The following ZNF75A variants were observed in gnomAD, a reference collection of about 807,000 sequenced individuals.
ZNF75A encodes the protein zinc finger protein 75A.
Under a neutral mutation model 46.3 loss-of-function variants are expected in ZNF75A, and 36 were observed. That is an observed-to-expected ratio of 0.78 (90% CI 0.60 to 1.03). The LOEUF (loss-of-function observed/expected upper bound fraction) is 1.03. Ranked by LOEUF, ZNF75A falls within the 50% of genes least tolerant of loss-of-function variation. ZNF75A has a pLI of 0.00. For missense variants in ZNF75A, 595 were observed against 551.3 expected (o/e 1.08, Z -0.79); for synonymous variants, 234 against 189.9 (o/e 1.23, Z -1.91).
intron 2 of ZNF75A, 50 bp from the exon 3 acceptor site, chr16:3,311,703 C>A: frequency 2.0e-6 from 2 of 1,005,934 alleles, no homozygotes; most frequent in South Asian, 4.0e-5. Context: ...CCTCCACCCC[C>A]ACAAACCAAA....
At chr16:3,307,936 A>G (rs1297516497) in intron 1 of ZNF75A, 1 of 152,172 alleles carries the variant, frequency 6.6e-6, no homozygotes, top group Non-Finnish European at 1.5e-5. Context: ...TTGAAATTTA[A>G]GAGAATCTCA....
chr16:3,308,368 A>G lies in ZNF75A; in HGVS notation c.-61A>G, dbSNP rs1960445154. The stretch of plus-strand genomic sequence containing the variant: ...TTTGTACAAGACCAGACAGGATCTC[A>G]TTTGTTAAACGTGGTACCAATTGGG... On this transcript the variant is annotated 5_prime_UTR_variant, in exon 2 of 7. Transcript: ENST00000669516. 3.1e-6 allele frequency: 3 copies of G among 969,248 alleles called. No individual in the cohort carries two copies. The highest frequency in any genetic ancestry group is 6.2e-5 in the Admixed American group (1 of 16,226). 60.0% of individuals were successfully genotyped at this position (969,248 alleles called of 1,614,324 possible).
At chr16:3,316,756 A>G in intron 5 of ZNF75A, 156 bp from the exon 6 acceptor site, 1 of 565,248 alleles carries the variant, frequency 1.8e-6, no homozygotes. Context: ...AGTATAACAT[A>G]GTATAAACGT....
In ZNF75A at chr16:3,308,384, A is replaced by C. The variant is rs45541431; in HGVS notation, c.-45A>C. ...CAGGATCTCATTTGTTAAACGTGGT[A>C]CCAATTGGGTGTCTTAACACAGGAG... On this transcript the variant is annotated 5_prime_UTR_variant, in exon 2 of 7. Transcript: ENST00000669516. 4.8e-4 allele frequency: 431 copies of C among 899,958 alleles called. No individual in the cohort carries two copies. Among genetic ancestry groups the C allele is most frequent in the South Asian group, 7.2e-4 (14 of 19,488 alleles). 55.7% of individuals were successfully genotyped at this position (899,958 alleles called of 1,614,324 possible).
chr16:3,316,846 C>T (rs1961244375), intron 5 of ZNF75A, 66 bp from the exon 6 acceptor site: 3 of 1,079,348 alleles, frequency 2.8e-6, no homozygotes, highest in Non-Finnish European at 2.8e-6. Flanking sequence ...CTGAAACAGT[C>T]TGGGATTAGT....
chr16:3,319,801 T>C (rs56102805), downstream of ZNF75A, among the ~76,000 whole-genome samples: 3 of 149,580 alleles, frequency 2.0e-5, no homozygotes, highest in East Asian at 5.8e-4. Context: ...TTTTTTATTT[T>C]TTTTTTTATT....
chr16:3,322,996 A>G, downstream of ZNF75A: 1 of 912,460 alleles, frequency 1.1e-6, no homozygotes. Context: ...TTTCCTTGGA[A>G]CTGGACTGTG....
At position 3,312,055 on chromosome 16, in the gene ZNF75A, A is replaced by T. The variant is rs573957985; in HGVS notation, c.604+107A>T. On this transcript the variant is annotated intron_variant, in intron 3 of 6. Transcript: ENST00000669516. The stretch of plus-strand genomic sequence containing the variant: ...AATACCCTGCTCTGTGGATTTGTAA[A>T]ACCAGCCTTGATAGCAACTATGATG... 8 of 505,214 alleles carry T rather than the reference A, an allele frequency of 1.6e-5. No individual in the cohort carries two copies. In the South Asian group the frequency reaches 6.8e-4, roughly 43 times the overall value. 31.3% of individuals were successfully genotyped at this position (505,214 alleles called of 1,614,324 possible). A position where few individuals can be genotyped will look rare whatever the true frequency, so the allele number is the denominator to read the frequency against.
chr16:3,313,302 G>C (rs1960949951), intron 5 of ZNF75A, 127 bp downstream of exon 5: 2 of 926,698 alleles, frequency 2.2e-6, no homozygotes, highest in Middle Eastern at 2.2e-4. Context: ...GTATAGGGGA[G>C]GGTGTAGGTA....
Position 3,318,631 on chromosome 16 carries a change from C to T in ZNF75A, c.*762C>T. The stretch of plus-strand genomic sequence containing the variant: ...GCAGCTATAAAAATTAGTACTTGCC[C>T]AAGGCCTGAAAGAGAATTAGTGGGA... On this transcript the variant is annotated 3_prime_UTR_variant, in exon 7 of 7. Coordinates refer to ENST00000669516, the MANE Select transcript of ZNF75A (RefSeq NM_001302109.2). The T allele has an allele frequency of 1.5e-5, 15 of 985,404 alleles. No individual in the cohort carries two copies. The highest frequency in any genetic ancestry group is 1.8e-5 in the Non-Finnish European group (15 of 829,922). The allele number at this position is 985,404 out of a possible 1,614,324, so 61.0% of individuals were successfully genotyped here. A position where few individuals can be genotyped will look rare whatever the true frequency, so the allele number is the denominator to read the frequency against.
At chr16:3,307,365 A>T (rs965120909) in intron 1 of ZNF75A, 6 of 152,232 alleles carry the variant, frequency 3.9e-5, no homozygotes, top group African/African-American at 9.6e-5. Context: ...ATGCAGTTAG[A>T]TGCTGTTGGG....
At chr16:3,313,289 A>G (rs925605870) in intron 5 of ZNF75A, 114 bp downstream of exon 5, 36 of 1,087,664 alleles carry the variant, frequency 3.3e-5, no homozygotes, top group Non-Finnish European at 2.7e-6. Context: ...TCTCATCTAG[A>G]TGGTATAGGG....
At position 3,310,040 on chromosome 16, in the gene ZNF75A, GTTA is replaced by G. The variant is rs142540030; in HGVS notation, c.408+1210_408+1212del. Among the ~76,000 whole-genome samples, 13 of 151,952 alleles carry G rather than the reference GTTA, an allele frequency of 8.6e-5. No homozygotes were observed. The East Asian group carries it at 9.7e-4, about 11-fold the overall frequency. ...ACCCAGAAGTTTGAGGCTACAGTGA[GTTA>G]TTATTGCAGCATTGTACTCTGGCCT... On this transcript the variant is annotated intron_variant, in intron 2 of 6. Coordinates refer to ENST00000669516, the MANE Select transcript of ZNF75A (RefSeq NM_001302109.2).
intron 2 of ZNF75A, 24 bp from the exon 3 acceptor site, chr16:3,311,729 A>T: frequency 9.6e-7 from 1 of 1,043,750 alleles, no homozygotes; most frequent in Non-Finnish European, 1.2e-6. Context: ...GTTCTGTGGT[A>T]ACAAGGATGG....
intron 1 of ZNF75A, chr16:3,305,978 C>T (rs1960185570): frequency 6.6e-6 from 1 of 152,240 alleles, no homozygotes; most frequent in Non-Finnish European, 1.5e-5. Flanking sequence ...CCGCCTCCGC[C>T]GGCATTTCCG....
chr16:3,319,378 G>C (rs1451035198), downstream of ZNF75A, among the ~76,000 whole-genome samples: 1 of 152,194 alleles, frequency 6.6e-6, no homozygotes, highest in East Asian at 1.9e-4. Flanking sequence ...GCCTCCCAAA[G>C]TGCTGGGATT....
At chr16:3,320,076 C>T (rs1385010367), downstream of ZNF75A, among the ~76,000 whole-genome samples, 3 of 151,728 alleles carry the variant, frequency 2.0e-5, no homozygotes, top group East Asian at 1.9e-4. Context: ...GACGGAGTCT[C>T]GCTCTGTTGC....
chr16:3,309,475 CAAAA>C (rs60942250), intron 2 of ZNF75A: 4,858 of 126,706 alleles, frequency 0.038, 297 homozygotes, highest in African/African-American at 0.13. Context: ...ACAAAAAAAA[CAAAA>C]AAAAAACGGG....
chr16:3,310,309 G>C (rs1463951472), intron 2 of ZNF75A, among the ~76,000 whole-genome samples: 1 of 150,980 alleles, frequency 6.6e-6, no homozygotes, highest in Non-Finnish European at 1.5e-5. Flanking sequence ...CAGGAGAATG[G>C]CTTGAACTCG....
Sources: allele counts gnomAD v4.1 joint callset (sites outside exome capture counted in the v4.1 genomes callset), GRCh38; gene constraint gnomAD v4.1.1; transcripts MANE v1.5; gene names NCBI Gene and HGNC (gene_info 2026-07-23, HGNC 2026-07-21).